UAP1: variants seen among roughly 807,000 people sequenced by gnomAD.
UAP1 encodes the protein UDP-N-acetylhexosamine pyrophosphorylase.
A neutral mutation model predicts 58.5 loss-of-function variants in UAP1; 25 were observed. The observed-to-expected ratio is 0.43, with a 90% CI of 0.31 to 0.60. The LOEUF is 0.60. Ranked by LOEUF, UAP1 falls within the 20% of genes least tolerant of loss-of-function variation. UAP1 has a pLI of 0.11. For missense variants in UAP1, 575 were observed against 630.0 expected (o/e 0.91, Z 0.93); for synonymous variants, 208 against 213.0 (o/e 0.98, Z 0.21).
At chr1:162,576,001 C>T (rs1039869) in intron 2 of UAP1, among the ~76,000 whole-genome samples, 109,286 of 151,558 alleles carry the variant, frequency 0.72, 39,766 homozygotes, top group Admixed American at 0.81. Flanking sequence ...TGTATACTCA[C>T]GTAGCTACCA....
chr1:162,572,485 C>A (rs1653926797), intron 2 of UAP1, among the ~76,000 whole-genome samples: 1 of 152,088 alleles, frequency 6.6e-6, no homozygotes, highest in South Asian at 2.1e-4. Context: ...TTTTTCAGGT[C>A]AGTTAGCTGA....
At chr1:162,589,345 G>T (rs889677468) in intron 7 of UAP1, among the ~76,000 whole-genome samples, 10 of 142,172 alleles carry the variant, frequency 7.0e-5, no homozygotes, top group Non-Finnish European at 1.2e-4. Context: ...ATGTGATGGG[G>T]TCTTGCTATG....
intron 1 of UAP1, among the ~76,000 whole-genome samples, chr1:162,562,824 CA>C (rs1231697030): frequency 2.0e-5 from 3 of 152,086 alleles, no homozygotes; most frequent in African/African-American, 4.8e-5. Context: ...TACTGTTTTT[CA>C]AAAGCTTTAA....
intron 3 of UAP1, among the ~76,000 whole-genome samples, chr1:162,579,006 C>T (rs1331297267): frequency 6.6e-6 from 1 of 152,134 alleles, no homozygotes; most frequent in Non-Finnish European, 1.5e-5. Context: ...GGAGGGTTAG[C>T]AGAGCCCAGA....
exon 5 of UAP1, chr1:162,581,303 T>C: frequency 6.2e-7 from 1 of 1,612,442 alleles, no homozygotes; most frequent in Non-Finnish European, 8.5e-7. Flanking sequence ...ATGGTGGTCT[T>C]TATCGGGCAC....
chr1:162,562,399 T>C (rs894502317), intron 1 of UAP1: 1 of 151,912 alleles, frequency 6.6e-6, no homozygotes, highest in African/African-American at 2.4e-5. Flanking sequence ...TTCTTTTTTT[T>C]GGTTTGGTTT....
intron 5 of UAP1, among the ~76,000 whole-genome samples, chr1:162,585,518 T>A (rs1056406194): frequency 6.6e-6 from 1 of 152,156 alleles, no homozygotes; most frequent in African/African-American, 2.4e-5. Flanking sequence ...CACCTCAGCC[T>A]CCCAAAGTGC....
rs79102380 is a variant in UAP1 at position 162,596,003 on chromosome 1, C to T, written c.1410-1789C>T. Among the ~76,000 whole-genome samples, 302 of 151,942 alleles carry T rather than the reference C, an allele frequency of 2.0e-3. 6 individuals carry two copies. In the East Asian group the frequency reaches 0.049, roughly 25 times the overall value. On this transcript the variant is annotated intron_variant, in intron 9 of 10. Transcript: ENST00000271469. ...AGTAGCTGGGATTACAGATGCTCGC[C>T]TCCAAGCCCAGCTAATTTTTTGTAT...
At chr1:162,567,774 C>G (rs1301890957) in intron 2 of UAP1, among the ~76,000 whole-genome samples, 1 of 152,098 alleles carries the variant, frequency 6.6e-6, no homozygotes. Context: ...CCACCCAGTA[C>G]TTGATTGTGT....
At chr1:162,577,437 T>C (rs919961333) in intron 3 of UAP1, among the ~76,000 whole-genome samples, 5 of 90,172 alleles carry the variant, frequency 5.5e-5, no homozygotes, top group Non-Finnish European at 6.3e-5. Flanking sequence ...TTCCTTCCCT[T>C]TTTTTTTTTT....
intron 1 of UAP1, among the ~76,000 whole-genome samples, 154 bp downstream of exon 1, chr1:162,561,931 C>A (rs1653163463): frequency 6.6e-6 from 1 of 152,214 alleles, no homozygotes; most frequent in African/African-American, 2.4e-5. Flanking sequence ...CGCCGAGGAG[C>A]CTCCCGCTCG....
chr1:162,564,828 C>A (rs1403341178), intron 1 of UAP1, among the ~76,000 whole-genome samples: 1 of 152,172 alleles, frequency 6.6e-6, no homozygotes, highest in East Asian at 1.9e-4. Context: ...TTACTGCTTT[C>A]CATCCCACAC....
Position 162,570,092 on chromosome 1 carries a change from T to C in UAP1, c.280+3744T>C, listed in dbSNP as rs1168123990. Among the ~76,000 whole-genome samples the C allele has an allele frequency of 3.3e-5, 5 of 149,282 alleles. No individual in the cohort carries two copies. In the South Asian group the frequency reaches 1.0e-3, roughly 31 times the overall value. ...TAAACCCAGGAGGCGGAGCTTGCAG[T>C]GAGCCAAGATCGTGCCACTGTACTC... On this transcript the variant is annotated intron_variant, in intron 2 of 10. Transcript: ENST00000271469.
chr1:162,597,000 C>T (rs77882248), intron 9 of UAP1, among the ~76,000 whole-genome samples: 1,901 of 152,258 alleles, frequency 0.012, 29 homozygotes, highest in East Asian at 0.049. Context: ...ACCTTGCCTT[C>T]GCTTGAGTGC....
At chr1:162,585,215 C>T (rs114363785) in intron 5 of UAP1, among the ~76,000 whole-genome samples, 1,623 of 152,032 alleles carry the variant, frequency 0.011, 22 homozygotes, top group African/African-American at 0.037. Flanking sequence ...CTGGATTAAA[C>T]TTATGAAATA....
exon 2 of UAP1, chr1:162,566,225 A>G (rs750833147): frequency 6.2e-7 from 1 of 1,614,172 alleles, no homozygotes; most frequent in Non-Finnish European, 8.5e-7. Context: ...CCAAAAGGCC[A>G]TTGAAGGTTT....
At chr1:162,600,442 A>G (rs1655861343), downstream of UAP1, among the ~76,000 whole-genome samples, 1 of 152,186 alleles carries the variant, frequency 6.6e-6, no homozygotes, top group Non-Finnish European at 1.5e-5. Context: ...CTGTGTCTAA[A>G]ATGCTGTTTG....
At chr1:162,592,594 C>T in intron 8 of UAP1, 138 bp from the exon 9 acceptor site, 9 of 628,262 alleles carry the variant, frequency 1.4e-5, no homozygotes, top group South Asian at 4.1e-5. Context: ...ATTTTTTTAC[C>T]CCCTTTTGGT....
chr1:162,588,086 A>G (rs1655016253), intron 6 of UAP1: 1 of 157,068 alleles, frequency 6.4e-6, no homozygotes, highest in African/African-American at 2.4e-5. Context: ...GCTGCCCACA[A>G]AGTTCTAATT....
Sources: gnomAD v4.1 joint callset for allele counts (sites outside exome capture counted in the v4.1 genomes callset) on GRCh38, gnomAD v4.1.1 for gene constraint, MANE v1.5 for transcripts, NCBI Gene and HGNC (gene_info 2026-07-23, HGNC 2026-07-21) for gene names.